Variants in NDE1 observed in about 807,000 individuals in gnomAD.
NDE1 encodes nudE neurodevelopment protein 1.
NDE1 carries 28 observed loss-of-function variants against 43.4 expected under a neutral mutation model. The ratio of observed to expected loss-of-function variants is 0.65; its 90% CI spans 0.48 to 0.89. The LOEUF (loss-of-function observed/expected upper bound fraction) is 0.89. NDE1 is among the 40% of genes least tolerant of loss of function. The pLI, the probability that NDE1 is intolerant of heterozygous loss-of-function variation, is 0.00. For missense variants in NDE1, 441 were observed against 434.1 expected, an observed-to-expected ratio of 1.02 and a Z score of -0.14; for synonymous variants, 184 against 172.0, an observed-to-expected ratio of 1.07 and a Z score of -0.55.
intron 8 of NDE1, chr16:15,704,216 T>C (rs1302926447): frequency 1.4e-6 from 2 of 1,464,968 alleles, no homozygotes; most frequent in South Asian, 1.2e-5. Context: ...GTAGCTATAG[T>C]CCTATTGCAA....
intron 8 of NDE1, chr16:15,703,849 T>C: frequency 1.7e-6 from 2 of 1,177,752 alleles, no homozygotes; most frequent in African/African-American, 1.5e-5. Context: ...GTCTGTGATA[T>C]TTGGAATTTG....
At chr16:15,720,396 C>T (rs2040404705) in intron 8 of NDE1, 18 of 1,523,040 alleles carry the variant, frequency 1.2e-5, no homozygotes, top group Non-Finnish European at 1.4e-5. Context: ...CACTGCACCC[C>T]TTCCCCAGCA....
At chr16:15,675,255 A>G (rs888139666) in intron 3 of NDE1, among the ~76,000 whole-genome samples, 2 of 151,486 alleles carry the variant, frequency 1.3e-5, no homozygotes, top group South Asian at 2.1e-4. Flanking sequence ...CTGGAGTGCA[A>G]TGGCACGATC....
chr16:15,715,540 G>T (rs1195737363), intron 8 of NDE1, among the ~76,000 whole-genome samples: 1 of 152,234 alleles, frequency 6.6e-6, no homozygotes, highest in African/African-American at 2.4e-5. Flanking sequence ...GATATCAAGT[G>T]TCCAGAATAG....
At chr16:15,699,309 G>A (rs71376091) in intron 8 of NDE1, among the ~76,000 whole-genome samples, 5,692 of 150,284 alleles carry the variant, frequency 0.038, 148 homozygotes, top group South Asian at 0.092. Context: ...ACCCAGGCTA[G>A]ACTGCGGTGG....
chr16:15,651,904 A>T (rs906208643), intron 1 of NDE1: 7 of 151,708 alleles, frequency 4.6e-5, no homozygotes, highest in Non-Finnish European at 7.4e-5. Context: ...TGTGTTATTT[A>T]TTATTTATTT....
chr16:15,693,833 A>G (rs1312446088), intron 6 of NDE1, among the ~76,000 whole-genome samples: 1 of 152,076 alleles, frequency 6.6e-6, no homozygotes. Context: ...CCAGCTACTC[A>G]AGAGGCCAAG....
At chr16:15,688,541 G>A (rs1241147748) in intron 5 of NDE1, among the ~76,000 whole-genome samples, 7 of 147,256 alleles carry the variant, frequency 4.8e-5, no homozygotes, top group East Asian at 4.1e-4. Flanking sequence ...GCTGAGGCAC[G>A]AGAATTGCTT....
At chr16:15,711,213 TG>T (rs1197045741) in intron 8 of NDE1, 1 of 152,242 alleles carries the variant, frequency 6.6e-6, no homozygotes, top group Admixed American at 6.5e-5. Flanking sequence ...TCTCACGCAG[TG>T]GTCCCCAAAC....
At chr16:15,678,042 G>C in intron 4 of NDE1, 93 bp downstream of exon 4, 9 of 1,473,302 alleles carry the variant, frequency 6.1e-6, no homozygotes, top group Non-Finnish European at 7.6e-6. Flanking sequence ...TGAGTATAGG[G>C]AACTAAGCAG....
intron 3 of NDE1, among the ~76,000 whole-genome samples, chr16:15,676,225 GTT>G (rs34293989): frequency 4.2e-5 from 5 of 118,942 alleles, no homozygotes; most frequent in South Asian, 2.8e-4. Flanking sequence ...TGTTTTTCTG[GTT>G]TTTTTTTTTT....
Position 15,667,455 on chromosome 16 carries a change from G to A in NDE1, c.237+16G>A, listed in dbSNP as rs1474720432. The A allele has an allele frequency of 1.9e-6, 3 of 1,613,316 alleles. No homozygotes were observed. Among genetic ancestry groups the A allele is most frequent in the African/African-American group, 2.7e-5 (2 of 74,860 alleles). On this transcript the variant is annotated intron_variant, in intron 3 of 8. Coordinates refer to ENST00000396354, the MANE Select transcript of NDE1 (RefSeq NM_017668.3). ...AACCATCAAGGTGAGGGGCTGAGAG[G>A]AAGTGTGCTCAGGTGTAGACAGGCG...
chr16:15,673,328 C>T (rs779235832), intron 3 of NDE1, among the ~76,000 whole-genome samples: 23 of 151,838 alleles, frequency 1.5e-4, no homozygotes, highest in Non-Finnish European at 2.4e-4. Context: ...CCCTGCCTCC[C>T]GGGTAGCTGG....
chr16:15,655,913 G>A (rs1596544880), intron 1 of NDE1, among the ~76,000 whole-genome samples: 1 of 148,444 alleles, frequency 6.7e-6, no homozygotes, highest in East Asian at 2.0e-4. Context: ...CTCACTCATA[G>A]GTGGGAATTG....
chr16:15,704,221 T>A, intron 8 of NDE1: 1 of 1,447,370 alleles, frequency 6.9e-7, no homozygotes, highest in Non-Finnish European at 9.4e-7. Flanking sequence ...TATAGTCCTA[T>A]TGCAATATAA....
At chr16:15,691,871 C>T (rs781534224) in intron 6 of NDE1, among the ~76,000 whole-genome samples, 4 of 151,708 alleles carry the variant, frequency 2.6e-5, no homozygotes, top group Admixed American at 1.3e-4. Context: ...TCAAGTGATC[C>T]GCCCACCTCG....
chr16:15,718,980 T>C (rs1567691031), intron 8 of NDE1: 2 of 525,228 alleles, frequency 3.8e-6, no homozygotes, highest in Admixed American at 3.1e-5. Context: ...ATATAAAAAT[T>C]AGCCAGGCAT....
intron 8 of NDE1, chr16:15,717,943 T>C (rs941356528): frequency 1.1e-5 from 4 of 365,214 alleles, no homozygotes; most frequent in Non-Finnish European, 2.1e-5. Flanking sequence ...TGGTCCCTAG[T>C]GCCCACCATG....
chr16:15,699,478 G>A (rs1244557241), intron 8 of NDE1: 5 of 1,074,832 alleles, frequency 4.7e-6, no homozygotes, highest in African/African-American at 3.4e-5. Flanking sequence ...TGCGTAGGCT[G>A]TAAAACAAAC....
Sources: gnomAD v4.1 joint callset for allele counts (sites outside exome capture counted in the v4.1 genomes callset) on GRCh38, gnomAD v4.1.1 for gene constraint, MANE v1.5 for transcripts, NCBI Gene and HGNC (gene_info 2026-07-23, HGNC 2026-07-21) for gene names.